DNASE1: variants seen among roughly 807,000 people sequenced by gnomAD.
The protein encoded by DNASE1 is deoxyribonuclease-1.
A neutral mutation model predicts 33.9 loss-of-function variants in DNASE1; 40 were observed. The observed-to-expected ratio is 1.18, with a 90% confidence interval of 0.92 to 1.54. The LOEUF (loss-of-function observed/expected upper bound fraction) is 1.54. Ranked by LOEUF, DNASE1 falls within the 40% of genes most tolerant of loss-of-function variation. The pLI, the probability that DNASE1 is intolerant of heterozygous loss-of-function variation, is 0.00. For missense variants in DNASE1, 518 were observed against 372.6 expected (o/e 1.39, Z -3.21); for synonymous variants, 216 against 160.0 (o/e 1.35, Z -2.64).
intron 1 of DNASE1, among the ~76,000 whole-genome samples, chr16:3,647,023 C>T (rs2042193450): frequency 6.6e-6 from 1 of 152,088 alleles, no homozygotes; most frequent in African/African-American, 2.4e-5. Flanking sequence ...GGGGAGATGT[C>T]CCAGCCACAG....
At chr16:3,664,066 A>C in exon 10 of DNASE1, 1 of 555,904 alleles carries the variant, frequency 1.8e-6, no homozygotes, top group Non-Finnish European at 3.0e-6. Context: ...CCATCTCAAA[A>C]AAACAAAAAA....
Position 3,616,691 on chromosome 16 carries a change from C to T in DNASE1, c.-1359+4685C>T, listed in dbSNP as rs192045551. 2.5e-3 allele frequency among the ~76,000 whole-genome samples: 373 copies of T among 151,304 alleles called. 4 individuals are homozygous for T. The highest frequency in any genetic ancestry group is 8.5e-3 in the African/African-American group (351 of 41,096). The stretch of plus-strand genomic sequence containing the variant: ...GCAAGGGGCTCTTAATACCCAAAAC[C>T]CAAATAGCCACTTTGTTCTTTTTCA... On this transcript the variant is annotated intron_variant and NMD_transcript_variant, in intron 1 of 11. Coordinates refer to the DNASE1 transcript ENST00000570769.
intron 7 of DNASE1, 77 bp from the exon 8 acceptor site, chr16:3,657,643 T>G: frequency 1.3e-6 from 2 of 1,575,552 alleles, no homozygotes; most frequent in Non-Finnish European, 1.7e-6. Context: ...CCAGGGCTCT[T>G]AGTTTAGTTC....
At position 3,654,771 on chromosome 16, in the gene DNASE1, G is replaced by C. The variant is rs150593833; in HGVS notation, c.-275G>C. 3.0e-5 allele frequency: 12 copies of C among 400,472 alleles called. No individual in the cohort carries two copies. Among genetic ancestry groups the C allele is most frequent in the African/African-American group, 1.6e-4 (8 of 48,764 alleles). 24.8% of individuals were successfully genotyped at this position (400,472 alleles called of 1,614,324 possible). On this transcript the variant is annotated 5_prime_UTR_variant, in exon 1 of 9. Transcript: ENST00000246949. ...ACCCACCTATGCGGAAAGCCACACA[G>C]AGCCATTGTTTTCTGCACTCTCAGG...
chr16:3,664,394 G>C, exon 10 of DNASE1: 2 of 1,612,514 alleles, frequency 1.2e-6, no homozygotes, highest in South Asian at 1.1e-5. Flanking sequence ...CGTATTCTGA[G>C]AGGCTGGTTA....
upstream of DNASE1, chr16:3,654,218 G>A (rs559934269): frequency 7.5e-5 from 30 of 397,464 alleles, no homozygotes; most frequent in African/African-American, 5.9e-4. Context: ...GATCCCCTGG[G>A]CCTAAACACA....
At chr16:3,650,601 T>G (rs2042301912), upstream of DNASE1, 1 of 127,150 alleles carries the variant, frequency 7.9e-6, no homozygotes, top group Non-Finnish European at 1.7e-5. Flanking sequence ...TATATGGTCA[T>G]TCAAAAAAAA....
At chr16:3,655,562 G>A in intron 2 of DNASE1, 42 bp downstream of exon 2, 1 of 1,613,202 alleles carries the variant, frequency 6.2e-7, no homozygotes, top group Non-Finnish European at 8.5e-7. Flanking sequence ...GAGGAGCTCT[G>A]GAGTCTAGGG....
At chr16:3,662,203 G>A (rs913791393), downstream of DNASE1, 7 of 1,550,496 alleles carry the variant, frequency 4.5e-6, no homozygotes, top group Admixed American at 1.3e-4. Flanking sequence ...ATCTTACCAG[G>A]GGTGAAGGTC....
At chr16:3,624,557 T>C (rs2041438511) in intron 1 of DNASE1, among the ~76,000 whole-genome samples, 1 of 152,196 alleles carries the variant, frequency 6.6e-6, no homozygotes, top group African/African-American at 2.4e-5. Flanking sequence ...CTGTGTACTA[T>C]ACCTGGAGCA....
downstream of DNASE1, chr16:3,662,489 G>A: frequency 1.9e-6 from 1 of 519,884 alleles, no homozygotes; most frequent in Non-Finnish European, 3.5e-6. Context: ...AGACAGGTTG[G>A]TGGGGGGAGT....
At chr16:3,617,148 G>A (rs1232248641) in intron 1 of DNASE1, among the ~76,000 whole-genome samples, 1 of 151,662 alleles carries the variant, frequency 6.6e-6, no homozygotes, top group East Asian at 1.9e-4. Context: ...CCAACGTGGA[G>A]AAACCCCGTC....
At chr16:3,653,832 A>AAAAAAAAAACAAAAAC (rs2042430893), upstream of DNASE1, 2 of 147,750 alleles carry the variant, frequency 1.4e-5, no homozygotes, top group African/African-American at 5.1e-5. Flanking sequence ...AAAAAAAAAA[A>AAAAAAAAAACAAAAAC]AAAAAAAAAC....
chr16:3,665,307 A>C (rs1349286896), exon 10 of DNASE1: 1 of 152,224 alleles, frequency 6.6e-6, no homozygotes, highest in Non-Finnish European at 1.5e-5. Flanking sequence ...CCAGCACGGG[A>C]TGGGCTCCTG....
rs765292244 is a variant in DNASE1, at chr16:3,664,391, TGA to T, written c.*6442_*6443del. 3 of 1,612,600 alleles carry T rather than the reference TGA, an allele frequency of 1.9e-6. No homozygotes were observed. The South Asian group carries it at 3.3e-5, about 18-fold the overall frequency. ...CGGCCCGCATGCGGCTGGCGTATTC[TGA>T]GAGGCTGGTTAGCTGCCCGGAGGGC... On this transcript the variant is annotated 3_prime_UTR_variant, in exon 10 of 10. Coordinates refer to the DNASE1 transcript ENST00000407479.
At chr16:3,656,272 C>T (rs1241806873) in intron 4 of DNASE1, 87 bp downstream of exon 4, 2 of 1,411,508 alleles carry the variant, frequency 1.4e-6, no homozygotes, top group Non-Finnish European at 2.0e-6. Context: ...ATTAGTTTGT[C>T]CTATGGCAAG....
At chr16:3,653,806 C>CAAAAAAAAAAAAAAAAAAAAAAAAA (rs71133649), upstream of DNASE1, 7 of 37,038 alleles carry the variant, frequency 1.9e-4, no homozygotes, top group East Asian at 1.2e-3. Context: ...GATTCCGCCT[C>CAAAAAAAAAAAAAAAAAAAAAAAAA]AAAAAAAAAA....
rs753084511 is a variant in DNASE1, at chr16:3,657,728, T to C, written c.713T>C (p.Val238Ala). Residue 238 changes from valine to alanine, a missense_variant, in exon 8 of 9, where the codon GTT (valine) becomes GCT (alanine). By Grantham distance (64) the Val-to-Ala change is moderately conservative. Transcript: ENST00000246949. ...PTHCAYDRIV[V>A]AGMLLRGAVV... is the part of the protein sequence containing the mutation. The stretch of plus-strand genomic sequence containing the variant: ...TTCCCAACACCCATCAGGATCGTGG[T>C]TGCAGGGATGCTGCTCCGAGGCGCC... 9.3e-6 allele frequency: 15 copies of C among 1,613,882 alleles called. No individual in the cohort carries two copies. Among genetic ancestry groups the C allele is most frequent in the Admixed American group, 1.7e-5 (1 of 59,994 alleles).
chr16:3,655,252 C>A, intron 1 of DNASE1, 121 bp from the exon 2 acceptor site: 1 of 1,382,946 alleles, frequency 7.2e-7, no homozygotes, highest in South Asian at 1.3e-5. Flanking sequence ...GTTTCCCCCG[C>A]CTGCGTCCCC....
Sources: allele counts gnomAD v4.1 joint callset (sites outside exome capture counted in the v4.1 genomes callset), GRCh38; gene constraint gnomAD v4.1.1; transcripts MANE v1.5; gene names NCBI Gene and HGNC (gene_info 2026-07-23, HGNC 2026-07-21).